The following EPC1 variants were observed in gnomAD, a reference collection of about 807,000 sequenced individuals.
The protein encoded by EPC1 is enhancer of polycomb homolog 1.
A neutral mutation model predicts 98.4 loss-of-function variants in EPC1; 12 were observed. The observed-to-expected ratio is 0.12, with a 90% confidence interval of 0.08 to 0.20. EPC1 has a LOEUF of 0.20. EPC1 is among the 10% of genes least tolerant of loss of function. The pLI is 1.00. For synonymous variants in EPC1, 357 were observed against 363.9 expected, an observed-to-expected ratio of 0.98 and a Z score of 0.21; for missense variants, 729 against 990.5, an observed-to-expected ratio of 0.74 and a Z score of 3.54.
intron 1 of EPC1, among the ~76,000 whole-genome samples, chr10:32,314,502 C>G (rs1466236757): frequency 6.6e-6 from 1 of 152,180 alleles, no homozygotes. Context: ...GCAAGTCACC[C>G]TGCTATGTAT....
At chr10:32,323,700 C>G (rs956909719) in intron 1 of EPC1, among the ~76,000 whole-genome samples, 1 of 152,156 alleles carries the variant, frequency 6.6e-6, no homozygotes, top group African/African-American at 2.4e-5. Context: ...TAAGAAAAAA[C>G]TGAAACAACA....
chr10:32,342,232 A>G (rs1012351870), intron 1 of EPC1, among the ~76,000 whole-genome samples: 8 of 152,230 alleles, frequency 5.3e-5, no homozygotes, highest in African/African-American at 1.9e-4. Flanking sequence ...AGTGGATAGA[A>G]TGGAGAAATC....
At chr10:32,306,798 G>A (rs1835898100) in intron 1 of EPC1, among the ~76,000 whole-genome samples, 1 of 151,622 alleles carries the variant, frequency 6.6e-6, no homozygotes. Flanking sequence ...CCATATAAAG[G>A]TATTAGTCTC....
At chr10:32,315,049 T>C (rs569295757) in intron 1 of EPC1, among the ~76,000 whole-genome samples, 5 of 152,370 alleles carry the variant, frequency 3.3e-5, no homozygotes, top group Admixed American at 6.5e-5. Flanking sequence ...CTCCAAAATG[T>C]GAGCTCTTTA....
At position 32,357,398 on chromosome 10, in the gene EPC1, T is replaced by G. The variant is rs565746089; in HGVS notation, c.3+21093A>C. 3.3e-5 allele frequency among the ~76,000 whole-genome samples: 5 copies of G among 152,378 alleles called. No individual in the cohort carries two copies. The East Asian group carries it at 9.6e-4, about 29-fold the overall frequency. ...ATAATATTTTTTGTTTCAATTGATT[T>G]ATTTATAATAAGGTTAACACTTTGT... On this transcript the variant is annotated intron_variant, in intron 1 of 13. Transcript: ENST00000375110.
At chr10:32,279,308 A>G (rs1448860577) in intron 10 of EPC1, among the ~76,000 whole-genome samples, 1 of 151,648 alleles carries the variant, frequency 6.6e-6, no homozygotes, top group Non-Finnish European at 1.5e-5. Context: ...AGATCGTGCT[A>G]CTGCACTCCA....
chr10:32,356,092 G>T (rs182847740), intron 1 of EPC1, among the ~76,000 whole-genome samples: 325 of 152,208 alleles, frequency 2.1e-3, no homozygotes, highest in South Asian at 8.1e-3. Flanking sequence ...ATTTATTAGT[G>T]GGTGGTAGAC....
At chr10:32,370,242 G>GTCATTAATCATTAAA (rs1459896093) in intron 1 of EPC1, among the ~76,000 whole-genome samples, 1 of 152,116 alleles carries the variant, frequency 6.6e-6, no homozygotes, top group Admixed American at 6.5e-5. Flanking sequence ...CCACAGAACT[G>GTCATTAATCATTAAA]GTTTCACTGT....
chr10:32,315,500 CT>C (rs1836500483), intron 1 of EPC1, among the ~76,000 whole-genome samples: 1 of 152,042 alleles, frequency 6.6e-6, no homozygotes, highest in Non-Finnish European at 1.5e-5. Context: ...TTAAAAACAG[CT>C]TATTAAAAGC....
intron 1 of EPC1, among the ~76,000 whole-genome samples, chr10:32,364,699 A>G (rs1263402020): frequency 6.6e-6 from 1 of 152,136 alleles, no homozygotes; most frequent in African/African-American, 2.4e-5. Flanking sequence ...TAAATGTAAA[A>G]AGCCAAGAAA....
At chr10:32,299,116 G>T (rs901530700) in intron 2 of EPC1, among the ~76,000 whole-genome samples, 2 of 152,162 alleles carry the variant, frequency 1.3e-5, no homozygotes, top group Non-Finnish European at 2.9e-5. Flanking sequence ...CTTTCATTAT[G>T]CAGGCTCACT....
intron 1 of EPC1, among the ~76,000 whole-genome samples, chr10:32,364,212 A>G (rs17574904): frequency 0.53 from 78,711 of 149,912 alleles, 22,855 homozygotes; most frequent in East Asian, 0.69. Flanking sequence ...CTTTTAGTAG[A>G]TTTTGTATTT....
intron 1 of EPC1, among the ~76,000 whole-genome samples, chr10:32,365,624 C>G (rs1162479142): frequency 6.6e-6 from 1 of 151,480 alleles, no homozygotes; most frequent in East Asian, 1.9e-4. Flanking sequence ...ACCAGCCTGG[C>G]CAACATGGTG....
chr10:32,277,177 T>G (rs1450336921), intron 10 of EPC1, among the ~76,000 whole-genome samples: 1 of 152,132 alleles, frequency 6.6e-6, no homozygotes, highest in Admixed American at 6.6e-5. Flanking sequence ...ATCAAGTGCT[T>G]AAAAAGCCCA....
chr10:32,353,155 C>CA (rs78044145), intron 1 of EPC1, among the ~76,000 whole-genome samples: 6,801 of 73,112 alleles, frequency 0.093, 527 homozygotes, highest in African/African-American at 0.24. Context: ...AACTCCATTT[C>CA]AAAAAAAAAA....
At chr10:32,299,553 CATCATCATCATT>C (rs1835371010) in intron 2 of EPC1, among the ~76,000 whole-genome samples, 1 of 151,650 alleles carries the variant, frequency 6.6e-6, no homozygotes, top group Non-Finnish European at 1.5e-5. Context: ...TCATCATCAT[CATCATCATCATT>C]ATTATTATTA....
At chr10:32,287,699 C>G (rs970780121) in intron 6 of EPC1, among the ~76,000 whole-genome samples, 1 of 151,960 alleles carries the variant, frequency 6.6e-6, no homozygotes. Flanking sequence ...ATGAAAATGT[C>G]TTCGTATACA....
chr10:32,311,910 G>C (rs1564540776), intron 1 of EPC1, among the ~76,000 whole-genome samples: 1 of 152,324 alleles, frequency 6.6e-6, no homozygotes, highest in East Asian at 1.9e-4. Context: ...CTGTGATGTA[G>C]TGTTAGACTA....
intron 13 of EPC1, 41 bp from the exon 14 acceptor site, chr10:32,269,176 A>T (rs774786496): frequency 6.5e-7 from 1 of 1,532,570 alleles, no homozygotes; most frequent in South Asian, 1.2e-5. Flanking sequence ...TCTACAACAT[A>T]AATATTCAGC....
Sources: allele counts gnomAD v4.1 joint callset (sites outside exome capture counted in the v4.1 genomes callset), GRCh38; gene constraint gnomAD v4.1.1; transcripts MANE v1.5; gene names NCBI Gene and HGNC (gene_info 2026-07-23, HGNC 2026-07-21).